The following ZNF600 variants were observed in gnomAD, a reference collection of about 807,000 sequenced individuals.
The protein encoded by ZNF600 is zinc finger protein KR-ZNF1.
A neutral mutation model predicts 7.3 loss-of-function variants in ZNF600; 4 were observed. The ratio of observed to expected loss-of-function variants is 0.55; its 90% CI spans 0.27 to 1.25. The LOEUF is 1.25. ZNF600 is among the 50% of genes most tolerant of loss of function. The pLI is 0.12. For missense variants in ZNF600, 911 were observed against 922.1 expected (o/e 0.99, Z 0.16); for synonymous variants, 290 against 308.9 (o/e 0.94, Z 0.64).
In ZNF600 at chr19:52,768,154, TA is replaced by T. The variant is rs36049255; in HGVS notation, c.191-383del. ...AACCATATTTACTGTGTACAAATGC[TA>T]AAAAAAAAACAAAGAAACCCACACA... On this transcript the variant is annotated intron_variant, in intron 3 of 3. Coordinates refer to ENST00000648973, the Ensembl canonical transcript of ZNF600. Among the ~76,000 whole-genome samples the T allele has an allele frequency of 4.2e-3, 610 of 145,860 alleles. 4 individuals are homozygous for T. The highest frequency in any genetic ancestry group is 0.013 in the African/African-American group (515 of 39,936).
At chr19:52,769,067 CCAGCGTCT>C (rs2062611718) in intron 3 of ZNF600, among the ~76,000 whole-genome samples, 1 of 152,150 alleles carries the variant, frequency 6.6e-6, no homozygotes, top group Non-Finnish European at 1.5e-5. Context: ...GGCAGTGATG[CCAGCGTCT>C]GGGAAGATGC....
intron 2 of ZNF600, among the ~76,000 whole-genome samples, chr19:52,777,098 T>C (rs2062681909): frequency 6.6e-6 from 1 of 152,146 alleles, no homozygotes; most frequent in Non-Finnish European, 1.5e-5. Flanking sequence ...GTGCAGAGTT[T>C]GGCTAAGCGT....
chr19:52,778,102 G>A (rs975246487), intron 2 of ZNF600, among the ~76,000 whole-genome samples: 3 of 151,728 alleles, frequency 2.0e-5, no homozygotes, highest in Admixed American at 6.6e-5. Context: ...TAACCTCCAC[G>A]TCCTGGGTTT....
intron 1 of ZNF600, among the ~76,000 whole-genome samples, chr19:52,783,002 T>C (rs2062735381): frequency 1.0e-5 from 1 of 95,768 alleles, no homozygotes; most frequent in Non-Finnish European, 2.6e-5. Flanking sequence ...TCACGTTCCA[T>C]ATAGTAACAG....
At chr19:52,802,815 C>T in the ZNF600 span, among the ~76,000 whole-genome samples, 36 of 144,552 alleles carry the variant, frequency 2.5e-4, no homozygotes, top group East Asian at 7.1e-3. Context: ...GGCTGGAGTG[C>T]AGTGGCATGA....
At chr19:52,767,899 G>C in intron 3 of ZNF600, 127 bp from the exon 6 acceptor site, 1 of 1,320,496 alleles carries the variant, frequency 7.6e-7, no homozygotes, top group Non-Finnish European at 1.0e-6. Context: ...CAAAGTTTAG[G>C]AACACAAAAG....
At chr19:52,830,751 G>A in the ZNF600 span, among the ~76,000 whole-genome samples, 1 of 151,408 alleles carries the variant, frequency 6.6e-6, no homozygotes, top group African/African-American at 2.4e-5. Flanking sequence ...CTTTTACAAA[G>A]TCAATAGGCT....
At chr19:52,793,203 A>C in the ZNF600 span, among the ~76,000 whole-genome samples, 1 of 152,174 alleles carries the variant, frequency 6.6e-6, no homozygotes, top group Non-Finnish European at 1.5e-5. Flanking sequence ...ACGTATACTG[A>C]TTGATGTCTC....
chr19:52,801,558 C>G, the ZNF600 span: 1 of 1,614,138 alleles, frequency 6.2e-7, no homozygotes. Context: ...AAACTGGAAG[C>G]CATGAATGTC....
the ZNF600 span, among the ~76,000 whole-genome samples, chr19:52,829,931 T>C: frequency 6.6e-6 from 1 of 152,126 alleles, no homozygotes; most frequent in Non-Finnish European, 1.5e-5. Flanking sequence ...CAGCCTGTCA[T>C]ATAAAAGCTG....
the ZNF600 span, among the ~76,000 whole-genome samples, chr19:52,793,808 ACACACAC>A: frequency 1.7e-5 from 2 of 116,064 alleles, no homozygotes; most frequent in Non-Finnish European, 3.6e-5. Context: ...ACACACACAC[ACACACAC>A]ACAAAAGTGA....
At chr19:52,768,986 A>G (rs2062610808) in intron 3 of ZNF600, among the ~76,000 whole-genome samples, 1 of 152,150 alleles carries the variant, frequency 6.6e-6, no homozygotes, top group Non-Finnish European at 1.5e-5. Context: ...ACACAGTGAG[A>G]AGTGACCAGA....
intron 1 of ZNF600, among the ~76,000 whole-genome samples, chr19:52,783,091 G>C (rs557183515): frequency 1.4e-4 from 21 of 147,038 alleles, no homozygotes; most frequent in Middle Eastern, 6.9e-3. Flanking sequence ...TGATCCACAA[G>C]GAATGAGTCA....
chr19:52,767,370 G>A, exon 4 of ZNF600: 5 of 1,613,956 alleles, frequency 3.1e-6, no homozygotes, highest in Non-Finnish European at 4.2e-6. Flanking sequence ...TTGGGGCCTA[G>A]GAGAAATTCT....
chr19:52,779,919 G>C (rs1268163435), intron 1 of ZNF600, among the ~76,000 whole-genome samples: 1 of 152,072 alleles, frequency 6.6e-6, no homozygotes, highest in Non-Finnish European at 1.5e-5. Flanking sequence ...GGGAAGCTCA[G>C]GCAGGAGAAT....
At chr19:52,811,302 C>A in the ZNF600 span, among the ~76,000 whole-genome samples, 12 of 151,154 alleles carry the variant, frequency 7.9e-5, no homozygotes, top group Admixed American at 7.9e-4. Context: ...GCAGCCTCTG[C>A]CCGGCCGCCA....
At chr19:52,818,161 CA>C in the ZNF600 span, 9 of 976,206 alleles carry the variant, frequency 9.2e-6, no homozygotes, top group Non-Finnish European at 1.3e-5. Flanking sequence ...GCACCACGAA[CA>C]AAAAATTCCT....
At chr19:52,793,311 C>T in the ZNF600 span, among the ~76,000 whole-genome samples, 1 of 152,186 alleles carries the variant, frequency 6.6e-6, no homozygotes, top group Non-Finnish European at 1.5e-5. Context: ...GCGTCCTCAA[C>T]CTTCACAAAA....
intron 2 of ZNF600, among the ~76,000 whole-genome samples, chr19:52,778,368 T>C (rs956946252): frequency 2.0e-5 from 3 of 151,986 alleles, no homozygotes; most frequent in African/African-American, 7.3e-5. Context: ...GATCTACTAG[T>C]GTGGCTTCAA....
Sources: gnomAD v4.1 joint callset for allele counts (sites outside exome capture counted in the v4.1 genomes callset) on GRCh38, gnomAD v4.1.1 for gene constraint, MANE v1.5 for transcripts, NCBI Gene and HGNC (gene_info 2026-07-23, HGNC 2026-07-21) for gene names.